PNOC: variants seen among roughly 807,000 people sequenced by gnomAD.
PNOC encodes the protein nociceptin.
PNOC carries 10 observed loss-of-function variants against 15.6 expected under a neutral mutation model. That is an observed-to-expected ratio of 0.64 (90% CI 0.40 to 1.09). The LOEUF (loss-of-function observed/expected upper bound fraction) is 1.09. Ranked by LOEUF, PNOC falls within the 50% of genes least tolerant of loss-of-function variation. The pLI, the probability that PNOC is intolerant of heterozygous loss-of-function variation, is 0.01. For missense variants in PNOC, 220 were observed against 223.9 expected, an observed-to-expected ratio of 0.98 and a Z score of 0.11; for synonymous variants, 98 against 88.5, an observed-to-expected ratio of 1.11 and a Z score of -0.60.
chr8:28,329,392 A>G, intron 2 of PNOC, 109 bp downstream of exon 2: 1 of 1,277,042 alleles, frequency 7.8e-7, no homozygotes, highest in African/African-American at 1.5e-5. Context: ...CCCACAGCTC[A>G]CAGGACTTGC....
chr8:28,327,077 C>G (rs1303780613), intron 1 of PNOC, among the ~76,000 whole-genome samples: 1 of 152,206 alleles, frequency 6.6e-6, no homozygotes, highest in Non-Finnish European at 1.5e-5. Context: ...GAACTGCATA[C>G]AGTGAAATGC....
chr8:28,342,678 C>G (rs1801543119), intron 3 of PNOC, among the ~76,000 whole-genome samples: 1 of 152,188 alleles, frequency 6.6e-6, no homozygotes, highest in African/African-American at 2.4e-5. Context: ...AAGAACTGTT[C>G]CCCGGGAAGG....
intron 3 of PNOC, 163 bp downstream of exon 3, chr8:28,339,654 A>T (rs1801482088): frequency 2.0e-6 from 1 of 504,836 alleles, no homozygotes; most frequent in East Asian, 3.2e-5. Context: ...TAGGCAGCAG[A>T]TTTTCCTATG....
intron 1 of PNOC, among the ~76,000 whole-genome samples, chr8:28,322,322 G>T (rs577376098): frequency 6.6e-6 from 1 of 152,130 alleles, no homozygotes; most frequent in Non-Finnish European, 1.5e-5. Context: ...AACCCAGGAG[G>T]CAGAGTTTGC....
intron 1 of PNOC, among the ~76,000 whole-genome samples, chr8:28,328,059 CTTTTTTTTTT>C: frequency 1.2e-5 from 1 of 82,106 alleles, no homozygotes; most frequent in South Asian, 6.0e-4. Flanking sequence ...CTCTCTCTCT[CTTTTTTTTTT>C]TTTTTTTTTT....
intron 1 of PNOC, among the ~76,000 whole-genome samples, chr8:28,328,279 T>A (rs1252991948): frequency 6.6e-6 from 1 of 151,930 alleles, no homozygotes; most frequent in Non-Finnish European, 1.5e-5. Context: ...TTTGCCATGA[T>A]GTTGGCCAGG....
At chr8:28,318,344 CTG>C (rs1487409955) in intron 1 of PNOC, among the ~76,000 whole-genome samples, 2 of 152,174 alleles carry the variant, frequency 1.3e-5, no homozygotes, top group African/African-American at 4.8e-5. Context: ...GCTTAAACAT[CTG>C]TGTTTAGCTT....
chr8:28,333,789 A>C (rs351776), intron 2 of PNOC, among the ~76,000 whole-genome samples: 63,232 of 151,968 alleles, frequency 0.42, 15,055 homozygotes, highest in Non-Finnish European at 0.56. Flanking sequence ...CGGAGCAGAA[A>C]AATTCAACAA....
rs776188984 is a variant in PNOC at position 28,329,258 on chromosome 8, C to G, written c.101C>G (p.Pro34Arg). Residue 34 changes from proline (P) to arginine (R), a missense_variant, in exon 2 of 4, where the codon CCA becomes CGA. Physicochemically the swap from Pro to Arg is moderately radical, Grantham distance 103. Coordinates refer to ENST00000301908, the MANE Select transcript of PNOC (RefSeq NM_006228.5). ...CTCACATGCCAGGAGAAGCTCCACCCAGCCCTGGACAGCTTCGACCTGGAG... is the reference window on the plus strand; with the variant it reads ...CTCACATGCCAGGAGAAGCTCCACCGAGCCCTGGACAGCTTCGACCTGGAG... ...DCLTCQEKLH[P>R]ALDSFDLEVC... The G allele has an allele frequency of 2.5e-6, 4 of 1,613,872 alleles. No homozygotes were observed. Among genetic ancestry groups the G allele is most frequent in the Non-Finnish European group, 3.4e-6 (4 of 1,180,040 alleles).
At chr8:28,327,462 G>A (rs1801242569) in intron 1 of PNOC, among the ~76,000 whole-genome samples, 1 of 152,176 alleles carries the variant, frequency 6.6e-6, no homozygotes, top group South Asian at 2.1e-4. Flanking sequence ...GAATGCCAAG[G>A]TGAATAACAT....
chr8:28,336,850 A>G (rs1563330659), intron 2 of PNOC, among the ~76,000 whole-genome samples: 1 of 151,950 alleles, frequency 6.6e-6, no homozygotes, highest in African/African-American at 2.4e-5. Flanking sequence ...AGAACTGTAG[A>G]CTGGCAGGAT....
chr8:28,323,464 G>T (rs1417695360), intron 1 of PNOC, among the ~76,000 whole-genome samples: 1 of 152,210 alleles, frequency 6.6e-6, no homozygotes, highest in East Asian at 1.9e-4. Context: ...CCATTTCACA[G>T]TTGAGAAGAC....
At chr8:28,330,263 A>C (rs1167198865) in intron 2 of PNOC, among the ~76,000 whole-genome samples, 2 of 151,866 alleles carry the variant, frequency 1.3e-5, no homozygotes, top group Non-Finnish European at 2.9e-5. Context: ...CATTTTATAT[A>C]AGGGACTTGA....
chr8:28,339,390 G>A lies in PNOC; in HGVS notation c.477G>A (p.Leu159=). 6.4e-7 allele frequency: 1 copy of A among 1,571,498 alleles called. No individual in the cohort carries two copies. The part of the protein sequence containing the change: ...FSEFMRQYLV[L]SMQSSQRRRT... The stretch of plus-strand genomic sequence containing the variant: ...AGTTTATGAGGCAATACTTGGTCCT[G>A]AGCATGCAGTCCAGCCAGCGCCGGC... Residue 159 remains leucine, a synonymous_variant, in exon 3 of 4, where the codon CTG becomes CTA. Transcript: ENST00000301908.
intron 2 of PNOC, among the ~76,000 whole-genome samples, chr8:28,338,133 G>A (rs1018893394): frequency 3.3e-5 from 5 of 152,162 alleles, no homozygotes; most frequent in African/African-American, 1.2e-4. Context: ...GTTTCCAGCC[G>A]GCTAAGGCCA....
chr8:28,334,513 T>C (rs1330823416), intron 2 of PNOC, among the ~76,000 whole-genome samples: 1 of 152,156 alleles, frequency 6.6e-6, no homozygotes, highest in Admixed American at 6.6e-5. Flanking sequence ...TTTTTTTTCT[T>C]TGAGACAGTC....
At chr8:28,332,797 A>T (rs1017987289) in intron 2 of PNOC, among the ~76,000 whole-genome samples, 2 of 152,166 alleles carry the variant, frequency 1.3e-5, no homozygotes, top group Admixed American at 6.5e-5. Context: ...CTAAAAATAC[A>T]AAAATTAGCT....
intron 3 of PNOC, among the ~76,000 whole-genome samples, chr8:28,341,122 C>T (rs930162539): frequency 5.9e-5 from 9 of 152,202 alleles, no homozygotes; most frequent in African/African-American, 2.2e-4. Flanking sequence ...CAGAGGTAGC[C>T]GTGTCACTAA....
In PNOC at chr8:28,343,026, G is replaced by A. The variant is rs1371213078; in HGVS notation, c.*132G>A. On this transcript the variant is annotated 3_prime_UTR_variant, in exon 4 of 4. Coordinates refer to ENST00000301908, the MANE Select transcript of PNOC (RefSeq NM_006228.5). ...AGGATTCCTTCTTCCCCAAGGCACT[G>A]AGCGCCTGCAGATCCCGCAGGCTTC... is the stretch of plus-strand genomic sequence containing the variant. The A allele has an allele frequency of 1.0e-6, 1 of 984,670 alleles. No individual in the cohort carries two copies. The highest frequency in any genetic ancestry group is 1.7e-5 in the African/African-American group (1 of 57,250). 61.0% of individuals were successfully genotyped at this position (984,670 alleles called of 1,614,324 possible).
Sources: allele counts gnomAD v4.1 joint callset (sites outside exome capture counted in the v4.1 genomes callset), GRCh38; gene constraint gnomAD v4.1.1; transcripts MANE v1.5; gene names NCBI Gene and HGNC (gene_info 2026-07-23, HGNC 2026-07-21).